OR5A1: variants seen among roughly 807,000 people sequenced by gnomAD.
OR5A1 encodes the protein olfactory receptor 5A1.
Under a neutral mutation model 6.7 loss-of-function variants are expected in OR5A1, and 6 were observed. That is an observed-to-expected ratio of 0.89 (90% confidence interval 0.49 to 1.76). The LOEUF (loss-of-function observed/expected upper bound fraction) is 1.76, where lower values mean the gene tolerates loss of function less well. OR5A1 is among the 40% of genes most tolerant of loss of function. The pLI is 0.01. For missense variants in OR5A1, 378 were observed against 381.7 expected (o/e 0.99, Z 0.08); for synonymous variants, 170 against 155.0 (o/e 1.10, Z -0.72).
rs769635159 is a variant in OR5A1, at chr11:59,444,025, C to G, written c.857C>G (p.Pro286Arg). The stretch of plus-strand genomic sequence containing the variant: ...TCTGTTTTCTATTCATTGGTGATCC[C>G]CATGCTGAACCCTCTCATTTACAGT... ...VVSVFYSLVI[P>R]MLNPLIYSLR... Residue 286 changes from proline to arginine, a missense_variant, in exon 2 of 2, where the codon CCC becomes CGC. By Grantham distance (103) the Pro-to-Arg change is moderately radical. Transcript: ENST00000641045. 2 of 1,614,008 alleles carry G rather than the reference C, an allele frequency of 1.2e-6. No homozygotes were observed. Among genetic ancestry groups the G allele is most frequent in the Non-Finnish European group, 1.7e-6 (2 of 1,179,950 alleles).
rs1042196565 is a variant in OR5A1, at chr11:59,447,417, G to A, written c.*3301G>A. ...CAACTGCCACTGGGGTCAGGCTAGTGTATGAAACTGCAACAATTAGGCCAG... is the reference window on the plus strand; with the variant it reads ...CAACTGCCACTGGGGTCAGGCTAGTATATGAAACTGCAACAATTAGGCCAG... On this transcript the variant is annotated 3_prime_UTR_variant, in exon 2 of 2. Transcript: ENST00000641045. The A allele has an allele frequency of 6.6e-6, 1 of 152,178 alleles. No homozygotes were observed. Among genetic ancestry groups the A allele is most frequent in the Non-Finnish European group, 1.5e-5 (1 of 68,042 alleles). The allele number at this position is 152,178 out of a possible 1,614,324, so 9.4% of individuals were successfully genotyped here.
Position 59,442,198 on chromosome 11 carries a change from G to A in OR5A1, c.-33-938G>A, listed in dbSNP as rs145408909. On this transcript the variant is annotated intron_variant, in intron 1 of 1. Transcript: ENST00000641045. ...GCAGTGGCTCAAGCCTGTAATCCCA[G>A]CACTTTGGGAGGCTGAGGCGGGCGG... 3.3e-3 allele frequency among the ~76,000 whole-genome samples: 496 copies of A among 152,342 alleles called. 23 individuals carry two copies. The East Asian group carries it at 0.09, about 28-fold the overall frequency.
At position 59,443,239 on chromosome 11, in the gene OR5A1, C is replaced by G; in HGVS notation, c.71C>G (p.Pro24Arg). ...ATCCTCCTGGGATTCACAGACCATCCAGAACTCCAGGCCCTCCTCTTTGTG... is the reference window on the plus strand; with the variant it reads ...ATCCTCCTGGGATTCACAGACCATCGAGAACTCCAGGCCCTCCTCTTTGTG... ...MFILLGFTDH[P>R]ELQALLFVTF... The change falls in exon 2 of 2, where the codon CCA becomes CGA. Residue 24 changes from proline (P) to arginine (R), a missense_variant. By Grantham distance (103) the Pro-to-Arg change is moderately radical (BLOSUM62 -2). Coordinates refer to ENST00000641045, the MANE Select transcript of OR5A1 (RefSeq NM_001004728.2). The G allele has an allele frequency of 1.2e-6, 2 of 1,614,116 alleles. No homozygotes were observed. The highest frequency in any genetic ancestry group is 1.7e-6 in the Non-Finnish European group (2 of 1,180,016).
chr11:59,448,111 C>T lies in OR5A1; in HGVS notation c.*3995C>T, dbSNP rs1858573624. On this transcript the variant is annotated 3_prime_UTR_variant, in exon 2 of 2. Coordinates refer to ENST00000641045, the MANE Select transcript of OR5A1 (RefSeq NM_001004728.2). ...GGAAGTTTACAAATTTGTATTGGTCCACATTCAAAGCCGTCCTGGGCCGCA... is the reference window on the plus strand; with the variant it reads ...GGAAGTTTACAAATTTGTATTGGTCTACATTCAAAGCCGTCCTGGGCCGCA... The T allele has an allele frequency of 6.6e-6, 1 of 152,118 alleles. No homozygotes were observed. Among genetic ancestry groups the T allele is most frequent in the South Asian group, 2.1e-4 (1 of 4,820 alleles). The allele number at this position is 152,118 out of a possible 1,614,324, so 9.4% of individuals were successfully genotyped here.
rs2134540988 is a variant in OR5A1, at chr11:59,447,780, G to C, written c.*3664G>C. On this transcript the variant is annotated 3_prime_UTR_variant, in exon 2 of 2. Coordinates refer to ENST00000641045, the MANE Select transcript of OR5A1 (RefSeq NM_001004728.2). ...TGTGGCTGCCCCACAGTGTACACCA[G>C]AATTAGACAGGCTAACCCAGGAGAA... 6.6e-6 allele frequency: 1 copy of C among 152,330 alleles called. No homozygotes were observed. Among genetic ancestry groups the C allele is most frequent in the Non-Finnish European group, 1.5e-5 (1 of 68,044 alleles). 9.4% of individuals were successfully genotyped at this position (152,330 alleles called of 1,614,324 possible). A position where few individuals can be genotyped will look rare whatever the true frequency, so the allele number is the denominator to read the frequency against.
At position 59,444,176 on chromosome 11, in the gene OR5A1, C is replaced by A; in HGVS notation, c.*60C>A. The A allele has an allele frequency of 7.0e-6, 8 of 1,138,716 alleles. No individual in the cohort carries two copies. The highest frequency in any genetic ancestry group is 9.0e-6 in the Non-Finnish European group (7 of 778,528). 70.5% of individuals were successfully genotyped at this position (1,138,716 alleles called of 1,614,324 possible). ...GAGAATTAAACAATCCAAGCCTTCACCTCCACCTCTGCCTCAGGCAAGGGA... is the reference window on the plus strand; with the variant it reads ...GAGAATTAAACAATCCAAGCCTTCAACTCCACCTCTGCCTCAGGCAAGGGA... On this transcript the variant is annotated 3_prime_UTR_variant, in exon 2 of 2. Coordinates refer to ENST00000641045, the MANE Select transcript of OR5A1 (RefSeq NM_001004728.2).
chr11:59,444,019 T>A lies in OR5A1; in HGVS notation c.851T>A (p.Val284Glu), dbSNP rs776607946. Residue 284 changes from valine to glutamate, a missense_variant, in exon 2 of 2, where the codon GTG becomes GAG. Physicochemically the swap from Val to Glu is moderately radical, Grantham distance 121. Transcript: ENST00000641045. ...GTGGTGTCTGTTTTCTATTCATTGG[T>A]GATCCCCATGCTGAACCCTCTCATT... ...DKVVSVFYSL[V>E]IPMLNPLIYS... is the part of the protein sequence containing the mutation. 1.9e-6 allele frequency: 3 copies of A among 1,614,118 alleles called. No homozygotes were observed. The South Asian group carries it at 3.3e-5, about 18-fold the overall frequency.
intron 1 of OR5A1, among the ~76,000 whole-genome samples, chr11:59,440,623 A>G (rs538779304): frequency 3.9e-5 from 6 of 152,264 alleles, no homozygotes; most frequent in Admixed American, 6.5e-5. Context: ...CTGTACCTCT[A>G]TGGAATGTGT....
At position 59,448,284 on chromosome 11, in the gene OR5A1, C is replaced by G. The variant is rs1292653656; in HGVS notation, c.*4168C>G. 3 of 152,150 alleles carry G rather than the reference C, an allele frequency of 2.0e-5. No individual in the cohort carries two copies. The highest frequency in any genetic ancestry group is 4.4e-5 in the Non-Finnish European group (3 of 68,038). The allele number at this position is 152,150 out of a possible 1,614,324, so 9.4% of individuals were successfully genotyped here. ...GAAAACAGGAGGAAAAGGGAAGGAA[C>G]TCCCCATACACATACTAAGATCTTT... On this transcript the variant is annotated 3_prime_UTR_variant, in exon 2 of 2. Coordinates refer to ENST00000641045, the MANE Select transcript of OR5A1 (RefSeq NM_001004728.2).
chr11:59,448,133 C>G lies in OR5A1; in HGVS notation c.*4017C>G, dbSNP rs147472768. ...GTCCACATTCAAAGCCGTCCTGGGC[C>G]GCATGAAGCCCACGGGCTGTGGGTT... On this transcript the variant is annotated 3_prime_UTR_variant, in exon 2 of 2. Transcript: ENST00000641045. 1 of 152,122 alleles carries G rather than the reference C, an allele frequency of 6.6e-6. No homozygotes were observed. Among genetic ancestry groups the G allele is most frequent in the Admixed American group, 6.5e-5 (1 of 15,276 alleles). 9.4% of individuals were successfully genotyped at this position (152,122 alleles called of 1,614,324 possible). A position where few individuals can be genotyped will look rare whatever the true frequency, so the allele number is the denominator to read the frequency against.
chr11:59,442,217 C>T (rs985365761), intron 1 of OR5A1, among the ~76,000 whole-genome samples: 9 of 152,128 alleles, frequency 5.9e-5, no homozygotes, highest in African/African-American at 1.2e-4. Context: ...GAGGCTGAGG[C>T]GGGCGGATCG....
intron 1 of OR5A1, among the ~76,000 whole-genome samples, chr11:59,440,344 T>C (rs1468756061): frequency 1.3e-5 from 2 of 152,180 alleles, no homozygotes; most frequent in African/African-American, 4.8e-5. Flanking sequence ...AGTGCTAGGA[T>C]TGTGGGCATA....
In OR5A1 at chr11:59,443,769, G is replaced by C. The variant is rs1298396367; in HGVS notation, c.601G>C (p.Val201Leu). 6.2e-7 allele frequency: 1 copy of C among 1,614,036 alleles called. No homozygotes were observed. Among genetic ancestry groups the C allele is most frequent in the Non-Finnish European group, 8.5e-7 (1 of 1,180,000 alleles). Residue 201 changes from valine (V) to leucine (L), a missense_variant, in exon 2 of 2, where the codon GTG becomes CTG. Physicochemically the swap from Val to Leu is conservative, Grantham distance 32. Transcript: ENST00000641045. ...CTCTGACACCTTCCTCAGTCAAGTG[G>C]TGAATTTCCTCGTGGTGGTCACTGT... ...SCSDTFLSQV[V>L]NFLVVVTVGG...
rs149320448 is a variant in OR5A1 at position 59,440,823 on chromosome 11, G to A, written c.-33-2313G>A. Among the ~76,000 whole-genome samples the A allele has an allele frequency of 8.9e-4, 135 of 152,294 alleles. 2 individuals are homozygous for A. The highest frequency in any genetic ancestry group is 3.2e-3 in the African/African-American group (132 of 41,562). The stretch of plus-strand genomic sequence containing the variant: ...GGAGCAAAACCTTAGAATATAGGAT[G>A]AAGCTTAAAGTCATACCGACAATAG... On this transcript the variant is annotated intron_variant, in intron 1 of 1. Coordinates refer to ENST00000641045, the MANE Select transcript of OR5A1 (RefSeq NM_001004728.2).
At position 59,444,244 on chromosome 11, in the gene OR5A1, T is replaced by C. The variant is rs1490474243; in HGVS notation, c.*128T>C. Reference sequence around the variant, plus strand: ...TTTGTGGAGACTCTTCCCTCCAGATTCCTCTCACCCTTCCTCATGGTCACT... The same window carrying C: ...TTTGTGGAGACTCTTCCCTCCAGATCCCTCTCACCCTTCCTCATGGTCACT... On this transcript the variant is annotated 3_prime_UTR_variant, in exon 2 of 2. Transcript: ENST00000641045. 5.2e-6 allele frequency: 3 copies of C among 579,574 alleles called. No individual in the cohort carries two copies. The highest frequency in any genetic ancestry group is 3.8e-5 in the African/African-American group (2 of 52,258). The allele number at this position is 579,574 out of a possible 1,614,324, so 35.9% of individuals were successfully genotyped here.
chr11:59,442,934 T>C (rs1489594702), intron 1 of OR5A1, among the ~76,000 whole-genome samples: 2 of 152,220 alleles, frequency 1.3e-5, no homozygotes, highest in Admixed American at 6.5e-5. Flanking sequence ...AGATTCATTA[T>C]CAACTACACT....
intron 1 of OR5A1, among the ~76,000 whole-genome samples, chr11:59,437,958 G>A (rs1858438218): frequency 6.6e-6 from 1 of 152,170 alleles, no homozygotes; most frequent in South Asian, 2.1e-4. Flanking sequence ...TCATGAATGG[G>A]GTAGTGCTAT....
chr11:59,449,938 G>A lies in OR5A1; in HGVS notation c.*5822G>A, dbSNP rs1027719760. The stretch of plus-strand genomic sequence containing the variant: ...CAAAAGAAATCCTTGCCTTCAGGGA[G>A]TTTACATTGGGAGGAAAAGGCAGAC... On this transcript the variant is annotated 3_prime_UTR_variant, in exon 2 of 2. Transcript: ENST00000641045. 1 of 152,152 alleles carries A rather than the reference G, an allele frequency of 6.6e-6. No individual in the cohort carries two copies. The highest frequency in any genetic ancestry group is 1.5e-5 in the Non-Finnish European group (1 of 68,038). 9.4% of individuals were successfully genotyped at this position (152,152 alleles called of 1,614,324 possible).
intron 1 of OR5A1, among the ~76,000 whole-genome samples, chr11:59,438,059 A>G (rs982155907): frequency 6.6e-6 from 1 of 152,070 alleles, no homozygotes; most frequent in Non-Finnish European, 1.5e-5. Context: ...ATCTGCTCTC[A>G]CCATATGAGA....
Sources: allele counts gnomAD v4.1 joint callset (sites outside exome capture counted in the v4.1 genomes callset), GRCh38; gene constraint gnomAD v4.1.1; transcripts MANE v1.5; gene names NCBI Gene and HGNC (gene_info 2026-07-23, HGNC 2026-07-21).